KANK4: variants seen among roughly 807,000 people sequenced by gnomAD.
KANK4 encodes KN motif and ankyrin repeat domain-containing protein 4.
A neutral mutation model predicts 80.8 loss-of-function variants in KANK4; 50 were observed. That is an observed-to-expected ratio of 0.62 (90% confidence interval 0.49 to 0.78). KANK4 has a LOEUF of 0.78. KANK4 is among the 30% of genes least tolerant of loss of function. KANK4 has a pLI of 0.00. For synonymous variants in KANK4, 465 were observed against 506.9 expected, an observed-to-expected ratio of 0.92 and a Z score of 1.11; for missense variants, 1,196 against 1,240.1, an observed-to-expected ratio of 0.96 and a Z score of 0.53.
intron 1 of KANK4, among the ~76,000 whole-genome samples, chr1:62,282,890 C>G (rs967462244): frequency 1.1e-4 from 17 of 152,296 alleles, no homozygotes; most frequent in South Asian, 6.2e-4. Flanking sequence ...GGCAGTGCAC[C>G]AGCACATCCT....
chr1:62,317,126 A>C (rs962875688), intron 1 of KANK4, among the ~76,000 whole-genome samples: 1 of 152,136 alleles, frequency 6.6e-6, no homozygotes, highest in Non-Finnish European at 1.5e-5. Flanking sequence ...AGGGGCCGGG[A>C]AAGTGTTAGA....
Position 62,273,525 on chromosome 1 carries a change from C to T in KANK4, c.1579G>A (p.Asp527Asn), listed in dbSNP as rs777299965. 45 of 1,613,342 alleles carry T rather than the reference C, an allele frequency of 2.8e-5. No individual in the cohort carries two copies. The East Asian group carries it at 7.1e-4, about 26-fold the overall frequency. The change falls in exon 3 of 10, where the codon GAC (aspartate) becomes AAC (asparagine). Residue 527 changes from aspartate (D) to asparagine (N), a missense_variant. Asp to Asn is a conservative substitution (Grantham distance 23). This residue lies in a region of KANK4 where 1,154 missense variants were observed against 1,179.6 expected (regional missense o/e 0.98). Coordinates refer to ENST00000371153, the MANE Select transcript of KANK4 (RefSeq NM_181712.5). Reference protein sequence around the residue: ...RGAGGFLWGSDRKTPPAGREE... With the variant: ...RGAGGFLWGSNRKTPPAGREE... ...CTCCCTGCTGGGGGAGTCTTTCTGTCGCTGCCCCACAGAAAGCCTCCTGCT... is the reference window on the plus strand; with the variant it reads ...CTCCCTGCTGGGGGAGTCTTTCTGTTGCTGCCCCACAGAAAGCCTCCTGCT...
intron 2 of KANK4, among the ~76,000 whole-genome samples, chr1:62,281,348 G>A (rs1422925695): frequency 6.6e-6 from 1 of 152,164 alleles, no homozygotes; most frequent in East Asian, 1.9e-4. Context: ...ATAAATGGAG[G>A]CTTACCATAT....
rs1438787245 is a variant in KANK4 at position 62,273,406 on chromosome 1, C to A, written c.1698G>T (p.Lys566Asn). The A allele has an allele frequency of 2.5e-6, 4 of 1,609,422 alleles. No homozygotes were observed. Among genetic ancestry groups the A allele is most frequent in the Non-Finnish European group, 3.4e-6 (4 of 1,176,936 alleles). Residue 566 changes from lysine (K) to asparagine (N), a missense_variant, in exon 3 of 10, where the codon AAG (lysine) becomes AAT (asparagine). Lys to Asn is a moderately conservative substitution (Grantham distance 94). Around this residue, in one of 3 missense-constraint regions of KANK4, gnomAD observed 1,154 missense variants for 1,179.6 expected, o/e 0.98. Transcript: ENST00000371153. ...TDATIGQYVK[K>N]IQELLQEQWN... is the part of the protein sequence containing the mutation. The stretch of plus-strand genomic sequence containing the variant: ...ACTGCTCCTGCAGGAGCTCCTGGAT[C>A]TTCTTCACATACTGCCCAATAGTGG...
intron 7 of KANK4, among the ~76,000 whole-genome samples, chr1:62,261,152 CTTTTTT>C (rs11322195): frequency 1.0e-4 from 7 of 68,382 alleles, no homozygotes; most frequent in Admixed American, 2.3e-4. Context: ...CTCCCAATGG[CTTTTTT>C]TTTTTTTTTT....
chr1:62,256,956 A>G (rs1369337620), intron 7 of KANK4, among the ~76,000 whole-genome samples: 6 of 152,170 alleles, frequency 3.9e-5, no homozygotes, highest in Non-Finnish European at 7.3e-5. Flanking sequence ...AAGATGTGTA[A>G]AGGAGCCTCA....
chr1:62,286,236 G>A (rs1458377527), intron 1 of KANK4, among the ~76,000 whole-genome samples: 1 of 152,226 alleles, frequency 6.6e-6, no homozygotes, highest in African/African-American at 2.4e-5. Context: ...CCCACAGCAG[G>A]GAGGACTCGT....
chr1:62,243,936 T>G (rs1289685920), intron 9 of KANK4, among the ~76,000 whole-genome samples: 1 of 152,174 alleles, frequency 6.6e-6, no homozygotes, highest in Non-Finnish European at 1.5e-5. Context: ...AAATGCCATG[T>G]TCCCTGCTGG....
At chr1:62,311,070 G>C (rs1200979141) in intron 1 of KANK4, among the ~76,000 whole-genome samples, 4 of 152,224 alleles carry the variant, frequency 2.6e-5, no homozygotes, top group African/African-American at 9.6e-5. Context: ...AAAGGCCAGA[G>C]AGATGGATTG....
intron 1 of KANK4, among the ~76,000 whole-genome samples, chr1:62,299,158 A>T (rs929941567): frequency 1.1e-4 from 16 of 152,216 alleles, no homozygotes; most frequent in Middle Eastern, 6.8e-3. Context: ...CCTAAGTTCA[A>T]GTGATCCTCC....
chr1:62,263,946 G>A (rs893712938), intron 6 of KANK4, among the ~76,000 whole-genome samples: 9 of 152,200 alleles, frequency 5.9e-5, no homozygotes, highest in African/African-American at 2.2e-4. Context: ...GACCATGAAC[G>A]AGAAGAGTTC....
chr1:62,262,296 A>G (rs2666473), intron 7 of KANK4, among the ~76,000 whole-genome samples: 105,031 of 152,022 alleles, frequency 0.69, 37,174 homozygotes, highest in East Asian at 0.83. Flanking sequence ...TAGCTGCAAC[A>G]TGAGAACAAT....
At chr1:62,299,001 C>A (rs368754435) in intron 1 of KANK4, among the ~76,000 whole-genome samples, 14 of 151,930 alleles carry the variant, frequency 9.2e-5, no homozygotes, top group African/African-American at 3.4e-4. Flanking sequence ...TGGTCATAGT[C>A]ACAAAGATAG....
chr1:62,258,996 G>A (rs1412366253), intron 7 of KANK4, among the ~76,000 whole-genome samples: 1 of 152,082 alleles, frequency 6.6e-6, no homozygotes, highest in Non-Finnish European at 1.5e-5. Flanking sequence ...GTGGAGGGAA[G>A]GAGGAGAGCG....
chr1:62,288,091 C>T (rs139074081), intron 1 of KANK4, among the ~76,000 whole-genome samples: 1 of 152,280 alleles, frequency 6.6e-6, no homozygotes, highest in African/African-American at 2.4e-5. Context: ...GCATCCCCAA[C>T]CCCTATGCCT....
intron 9 of KANK4, among the ~76,000 whole-genome samples, chr1:62,244,643 C>A (rs1442158591): frequency 3.3e-5 from 5 of 152,176 alleles, no homozygotes; most frequent in Non-Finnish European, 1.5e-5. Flanking sequence ...TTGAGACTTT[C>A]CCAGCCGTGT....
At position 62,253,060 on chromosome 1, in the gene KANK4, C is replaced by T; in HGVS notation, c.2682+7G>A. The T allele has an allele frequency of 6.2e-7, 1 of 1,613,350 alleles. No individual in the cohort carries two copies. Among genetic ancestry groups the T allele is most frequent in the Non-Finnish European group, 8.5e-7 (1 of 1,179,790 alleles). ...ACTGAAGAGGAGATCCTGTTCATTC[C>T]ACCCACCTGAGTAGCTTGAATGTTC... On this transcript the variant is annotated splice_region_variant and intron_variant, in intron 8 of 9. Coordinates refer to ENST00000371153, the MANE Select transcript of KANK4 (RefSeq NM_181712.5).
chr1:62,267,997 TTG>T (rs1160096941), intron 5 of KANK4, among the ~76,000 whole-genome samples: 1 of 152,072 alleles, frequency 6.6e-6, no homozygotes, highest in Non-Finnish European at 1.5e-5. Flanking sequence ...TGCAGGACTG[TTG>T]GAAGTTGTGT....
Position 62,286,755 on chromosome 1 carries a change from ACCCCCTCCTGGGG to A in KANK4, c.-70-5134_-70-5122del, listed in dbSNP as rs1672577922. 2.6e-5 allele frequency among the ~76,000 whole-genome samples: 4 copies of A among 151,460 alleles called. No homozygotes were observed. In the South Asian group the frequency reaches 8.4e-4, roughly 32 times the overall value. On this transcript the variant is annotated intron_variant, in intron 1 of 9. Coordinates refer to ENST00000371153, the MANE Select transcript of KANK4 (RefSeq NM_181712.5). The stretch of plus-strand genomic sequence containing the variant: ...CTCCGCTTTAGAAACATCCTTCCCT[ACCCCCTCCTGGGG>A]CCCCAGGACCACATGAAGCCTCTGA...
Sources: gnomAD v4.1 joint callset for allele counts (sites outside exome capture counted in the v4.1 genomes callset) on GRCh38, gnomAD v4.1.1 for gene constraint, gnomAD v4.1.1 regional missense constraint, MANE v1.5 for transcripts, NCBI Gene and HGNC (gene_info 2026-07-23, HGNC 2026-07-21) for gene names.